RTP5: variants seen among roughly 807,000 people sequenced by gnomAD.
The protein encoded by RTP5 is receptor-transporting protein 5.
In RTP5, 30 loss-of-function variants were observed where a neutral mutation model predicts 23.5. The observed-to-expected ratio is 1.27, with a 90% CI of 0.95 to 1.73. The LOEUF is 1.73. RTP5 is among the 40% of genes most tolerant of loss of function. The pLI, the probability that RTP5 is intolerant of heterozygous loss-of-function variation, is 0.00. For synonymous variants in RTP5, 354 were observed against 342.1 expected (o/e 1.03, Z -0.38); for missense variants, 807 against 784.2 (o/e 1.03, Z -0.35).
In RTP5 at chr2:241,872,317, C is replaced by T. The variant is rs1701338068; in HGVS notation, c.762C>T (p.Ala254=). The T allele has an allele frequency of 2.5e-6, 4 of 1,605,934 alleles. No homozygotes were observed. The highest frequency in any genetic ancestry group is 3.4e-6 in the Non-Finnish European group (4 of 1,176,582). Residue 254 remains alanine, a synonymous_variant, in exon 2 of 2, where the codon GCC becomes GCT. Transcript: ENST00000343216. The stretch of plus-strand genomic sequence containing the variant: ...TCTTCCTGTCTGGGGATTCAGTGGC[C>T]ATGCCTGGGGGCAAAGGCTTCCCGG... The part of the protein sequence containing the change: ...GSIFLSGDSV[A]MPGGKGFPVA...
rs971785871 is a variant in RTP5 at position 241,873,801 on chromosome 2, T to G, written c.*527T>G. 6.5e-6 allele frequency: 1 copy of G among 153,706 alleles called. No individual in the cohort carries two copies. The highest frequency in any genetic ancestry group is 2.4e-5 in the African/African-American group (1 of 41,326). 9.5% of individuals were successfully genotyped at this position (153,706 alleles called of 1,614,324 possible). A position where few individuals can be genotyped will look rare whatever the true frequency, so the allele number is the denominator to read the frequency against. ...TCCAGCCTCTTCCTATGTGTGTAAC[T>G]TCAATAAAACCAAGCAAAGCCAGCC... On this transcript the variant is annotated 3_prime_UTR_variant, in exon 2 of 2. Transcript: ENST00000343216.
Position 241,872,389 on chromosome 2 carries a change from C to T in RTP5, c.834C>T (p.Ser278=), listed in dbSNP as rs372954305. 1 of 1,612,510 alleles carries T rather than the reference C, an allele frequency of 6.2e-7. No homozygotes were observed. Among genetic ancestry groups the T allele is most frequent in the Non-Finnish European group, 8.5e-7 (1 of 1,179,904 alleles). ...TCCACGGCCCCGGCCTCCTCGGCAG[C>T]AGCATCCAGACCTTCGAGCTCAAGG... ...PLFHGPGLLG[S]SIQTFELKGF... is the part of the protein sequence containing the mutation. The change falls in exon 2 of 2, where the codon AGC becomes AGT. Residue 278 remains serine (S), a synonymous_variant. Transcript: ENST00000343216.
intron 1 of RTP5, chr2:241,871,237 A>T: frequency 2.8e-6 from 1 of 362,100 alleles, no homozygotes; most frequent in Non-Finnish European, 5.5e-6. Context: ...CCCCAGGGAC[A>T]GCCCCCACAT....
chr2:241,873,253 G>C lies in RTP5; in HGVS notation c.1698G>C (p.Gly566=), dbSNP rs1027921832. The stretch of plus-strand genomic sequence containing the variant: ...TGTGCATGTGTCGGCTGAACCCCGG[G>C]ATCTACCCGCAGCAAGTGTGACGCC... The part of the protein sequence containing the change: ...WLMCMCRLNP[G]IYPQQV Residue 566 remains glycine, a synonymous_variant, in exon 2 of 2, where the codon GGG becomes GGC. Coordinates refer to ENST00000343216, the MANE Select transcript of RTP5 (RefSeq NM_173821.3). The C allele has an allele frequency of 6.3e-7, 1 of 1,587,886 alleles. No individual in the cohort carries two copies.
rs1194502752 is a variant in RTP5, at chr2:241,872,538, G to A, written c.983G>A (p.Cys328Tyr). The A allele has an allele frequency of 1.3e-6, 2 of 1,566,582 alleles. No individual in the cohort carries two copies. Among genetic ancestry groups the A allele is most frequent in the Non-Finnish European group, 1.7e-6 (2 of 1,155,998 alleles). Reference protein sequence around the residue: ...VGKHTPTVFYCVGLSASGEGS... With the variant: ...VGKHTPTVFYYVGLSASGEGS... Reference sequence around the variant, plus strand: ...AAACACACGCCAACCGTGTTCTACTGTGTGGGCCTCTCGGCCAGCGGGGAG... The same window carrying A: ...AAACACACGCCAACCGTGTTCTACTATGTGGGCCTCTCGGCCAGCGGGGAG... The change falls in exon 2 of 2, where the codon TGT (cysteine) becomes TAT (tyrosine). Residue 328 changes from cysteine to tyrosine, a missense_variant. Physicochemically the swap from Cys to Tyr is radical, Grantham distance 194 (BLOSUM62 -2). Transcript: ENST00000343216.
At position 241,871,917 on chromosome 2, in the gene RTP5, T is replaced by C; in HGVS notation, c.362T>C (p.Ile121Thr). ...TTCCTCAGCAGGCTGGTCTTGCACA[T>C]CCTGCAGGACTGCTACGGGGATGGC... ...QPFLSRLVLH[I>T]LQDCYGDGPG... The change falls in exon 2 of 2, where the codon ATC becomes ACC. Residue 121 changes from isoleucine (I) to threonine (T), a missense_variant. Coordinates refer to ENST00000343216, the MANE Select transcript of RTP5 (RefSeq NM_173821.3). The C allele has an allele frequency of 6.3e-7, 1 of 1,581,632 alleles. No individual in the cohort carries two copies.
rs375157808 is a variant in RTP5, at chr2:241,872,938, C to T, written c.1383C>T (p.Ala461=). ...ACGACGCCCCTCTGGAGGCCAATGC[C>T]GAGGGCCCCATCACGGTTAGTGAGG... ...AGHDAPLEAN[A]EGPITVSEGC... is the part of the protein sequence containing the mutation. Residue 461 remains alanine, a synonymous_variant, in exon 2 of 2, where the codon GCC becomes GCT. Transcript: ENST00000343216. The T allele has an allele frequency of 3.9e-5, 63 of 1,612,912 alleles. No homozygotes were observed. Among genetic ancestry groups the T allele is most frequent in the Admixed American group, 2.0e-4 (12 of 60,000 alleles).
rs1352832677 is a variant in RTP5 at position 241,873,717 on chromosome 2, AG to A, written c.*444del. 64 of 188,548 alleles carry A rather than the reference AG, an allele frequency of 3.4e-4. 1 individual carries two copies. The highest frequency in any genetic ancestry group is 5.4e-4 in the Non-Finnish European group (54 of 99,566). 11.7% of individuals were successfully genotyped at this position (188,548 alleles called of 1,614,324 possible). On this transcript the variant is annotated 3_prime_UTR_variant, in exon 2 of 2. Coordinates refer to ENST00000343216, the MANE Select transcript of RTP5 (RefSeq NM_173821.3). ...GAGACCCCGCCCCCGCCAGCAGCTC[AG>A]CCCCTCCTGTCTCTTGCCCCTGGTT...
In RTP5 at chr2:241,872,542, G is replaced by A. The variant is rs753959612; in HGVS notation, c.987G>A (p.Val329=). Residue 329 remains valine, a synonymous_variant, in exon 2 of 2, where the codon GTG becomes GTA. Transcript: ENST00000343216. ...ACACGCCAACCGTGTTCTACTGTGTGGGCCTCTCGGCCAGCGGGGAGGGCT... is the reference window on the plus strand; with the variant it reads ...ACACGCCAACCGTGTTCTACTGTGTAGGCCTCTCGGCCAGCGGGGAGGGCT... The part of the protein sequence containing the change: ...GKHTPTVFYC[V]GLSASGEGSL... 7 of 1,561,900 alleles carry A rather than the reference G, an allele frequency of 4.5e-6. No individual in the cohort carries two copies. The highest frequency in any genetic ancestry group is 5.2e-6 in the Non-Finnish European group (6 of 1,153,954).
At chr2:241,870,395 C>A (rs1478779580) in intron 1 of RTP5, among the ~76,000 whole-genome samples, 3 of 152,254 alleles carry the variant, frequency 2.0e-5, no homozygotes, top group Admixed American at 2.0e-4. Context: ...GTTGTGGTGC[C>A]GTCAGCGCAG....
rs747826126 is a variant in RTP5, at chr2:241,873,172, G to GC, written c.1620dup (p.Tyr541LeufsTer95). 5 of 1,611,386 alleles carry GC rather than the reference G, an allele frequency of 3.1e-6. No homozygotes were observed. Among genetic ancestry groups the GC allele is most frequent in the African/African-American group, 2.7e-5 (2 of 74,930 alleles). On this transcript the variant is annotated frameshift_variant, in exon 2 of 2. Coordinates refer to ENST00000343216, the MANE Select transcript of RTP5 (RefSeq NM_173821.3). LOFTEE classifies it high-confidence loss of function. ...GTGCCTGCCGTAGGCCGCACGCCGAGCCCTACGAGGACTTCTGGATCTGGG... is the reference window on the plus strand; with the variant it reads ...GTGCCTGCCGTAGGCCGCACGCCGAGCCCCTACGAGGACTTCTGGATCTGGG...
chr2:241,872,044 C>A lies in RTP5; in HGVS notation c.489C>A (p.Ser163Arg). Residue 163 changes from serine to arginine, a missense_variant, in exon 2 of 2, where the codon AGC becomes AGA. Ser to Arg is a moderately radical substitution (Grantham distance 110). Coordinates refer to ENST00000343216, the MANE Select transcript of RTP5 (RefSeq NM_173821.3). ...AGAAGGCCCCAGACCCCGCCTGGAG[C>A]GCCAACGCCACAAAAGGCAACTTCC... ...FLQKAPDPAW[S>R]ANATKGNFPA... The A allele has an allele frequency of 6.4e-7, 1 of 1,562,594 alleles. No individual in the cohort carries two copies. The highest frequency in any genetic ancestry group is 1.8e-5 in the Admixed American group (1 of 54,734).
In RTP5 at chr2:241,872,009, T is replaced by C; in HGVS notation, c.454T>C (p.Cys152Arg). The change falls in exon 2 of 2, where the codon TGC (cysteine) becomes CGC (arginine). Residue 152 changes from cysteine to arginine, a missense_variant. Cys to Arg is a radical substitution (Grantham distance 180). Transcript: ENST00000343216. ...CTGTGAGGCCTGTGAGCTGGGGGTC[T>C]GCTTCCTCCAGAAGGCCCCAGACCC... is the stretch of plus-strand genomic sequence containing the variant. ...GCCEACELGV[C>R]FLQKAPDPAW... 2.5e-6 allele frequency: 4 copies of C among 1,577,138 alleles called. No homozygotes were observed. The highest frequency in any genetic ancestry group is 2.6e-6 in the Non-Finnish European group (3 of 1,159,150).
At position 241,872,091 on chromosome 2, in the gene RTP5, CT is replaced by C; in HGVS notation, c.537del (p.Gly180AlafsTer53). The C allele has an allele frequency of 1.3e-6, 2 of 1,584,878 alleles. No individual in the cohort carries two copies. Among genetic ancestry groups the C allele is most frequent in the East Asian group, 2.3e-5 (1 of 44,214 alleles). ...GNFPATAWGGTGTVSRGKPLS... is the reference protein window; with the variant it reads ...GNFPATAWGGXGTVSRGKPLS... ...TTCCCCGCCACGGCCTGGGGTGGCA[CT>C]GGCACCGTCTCCAGGGGCAAACCGC... On this transcript the variant is annotated frameshift_variant, in exon 2 of 2. Transcript: ENST00000343216. LOFTEE classifies it high-confidence loss of function.
Position 241,872,339 on chromosome 2 carries a change from C to A in RTP5, c.784C>A (p.Pro262Thr). ...SVAMPGGKGFPVAIGDPLFHG... is the reference protein window; with the variant it reads ...SVAMPGGKGFTVAIGDPLFHG... ...GGCCATGCCTGGGGGCAAAGGCTTCCCGGTGGCCATTGGAGACCCCCTCTT... is the reference window on the plus strand; with the variant it reads ...GGCCATGCCTGGGGGCAAAGGCTTCACGGTGGCCATTGGAGACCCCCTCTT... The change falls in exon 2 of 2, where the codon CCG (proline) becomes ACG (threonine). Residue 262 changes from proline (P) to threonine (T), a missense_variant. Physicochemically the swap from Pro to Thr is conservative, Grantham distance 38 (BLOSUM62 -1). Transcript: ENST00000343216. The A allele has an allele frequency of 6.2e-7, 1 of 1,609,572 alleles. No individual in the cohort carries two copies. The highest frequency in any genetic ancestry group is 1.1e-5 in the South Asian group (1 of 90,698).
Position 241,871,749 on chromosome 2 carries a change from C to T in RTP5, c.194C>T (p.Ser65Leu), listed in dbSNP as rs1350769000. 4 of 1,603,132 alleles carry T rather than the reference C, an allele frequency of 2.5e-6. No individual in the cohort carries two copies. Among genetic ancestry groups the T allele is most frequent in the African/African-American group, 1.3e-5 (1 of 74,710 alleles). The change falls in exon 2 of 2, where the codon TCG becomes TTG. Residue 65 changes from serine (S) to leucine (L), a missense_variant. Transcript: ENST00000343216. Reference protein sequence around the residue: ...QCGHCPGTWDSAHVHVLFHLW... With the variant: ...QCGHCPGTWDLAHVHVLFHLW... Reference sequence around the variant, plus strand: ...GGTCACTGTCCGGGGACCTGGGACTCGGCCCATGTGCACGTCCTCTTCCAC... The same window carrying T: ...GGTCACTGTCCGGGGACCTGGGACTTGGCCCATGTGCACGTCCTCTTCCAC...
chr2:241,870,602 T>A (rs1701300418), intron 1 of RTP5, among the ~76,000 whole-genome samples: 1 of 152,224 alleles, frequency 6.6e-6, no homozygotes, highest in Non-Finnish European at 1.5e-5. Flanking sequence ...ACACAGCTCC[T>A]CAGTGCCTGA....
In RTP5 at chr2:241,871,058, C is replaced by T. The variant is rs116084338; in HGVS notation, c.159-656C>T. The stretch of plus-strand genomic sequence containing the variant: ...TCACCGGTCTGATGACCGCCATGGA[C>T]AAGCCAATCCCTCCCAGTGCTCTCC... On this transcript the variant is annotated intron_variant, in intron 1 of 1. Coordinates refer to ENST00000343216, the MANE Select transcript of RTP5 (RefSeq NM_173821.3). 3.7e-3 allele frequency: 1,764 copies of T among 470,862 alleles called. 22 individuals carry two copies. Among genetic ancestry groups the T allele is most frequent in the African/African-American group, 0.033 (1,647 of 50,200 alleles). 29.2% of individuals were successfully genotyped at this position (470,862 alleles called of 1,614,324 possible).
chr2:241,873,334 C>G lies in RTP5; in HGVS notation c.*60C>G. The stretch of plus-strand genomic sequence containing the variant: ...CCCCGCCTCGCCTCTGAGACACCCC[C>G]CAACCCCGCCTTTGAGATGCCCGCC... On this transcript the variant is annotated 3_prime_UTR_variant, in exon 2 of 2. Coordinates refer to ENST00000343216, the MANE Select transcript of RTP5 (RefSeq NM_173821.3). 15 of 1,506,218 alleles carry G rather than the reference C, an allele frequency of 1.0e-5. No individual in the cohort carries two copies. The highest frequency in any genetic ancestry group is 1.2e-5 in the Non-Finnish European group (14 of 1,131,768). 93.3% of individuals were successfully genotyped at this position (1,506,218 alleles called of 1,614,324 possible).
Sources: gnomAD v4.1 joint callset for allele counts (sites outside exome capture counted in the v4.1 genomes callset) on GRCh38, gnomAD v4.1.1 for gene constraint, MANE v1.5 for transcripts, NCBI Gene and HGNC (gene_info 2026-07-23, HGNC 2026-07-21) for gene names.